The following TMIGD3 variants were observed in gnomAD, a reference collection of about 807,000 sequenced individuals.
TMIGD3 encodes the protein AD026 protein (AD026).
A neutral mutation model predicts 28.1 loss-of-function variants in TMIGD3; 21 were observed. The observed-to-expected ratio is 0.75, with a 90% CI of 0.53 to 1.08. The LOEUF is 1.08. Among genes scored for constraint, TMIGD3 ranks in the 50% least tolerant of loss-of-function variants. The pLI, the probability that TMIGD3 is intolerant of heterozygous loss-of-function variation, is 0.00. For missense variants in TMIGD3, 416 were observed against 435.6 expected (o/e 0.96, Z 0.40); for synonymous variants, 151 against 162.1 (o/e 0.93, Z 0.52).
At chr1:111,557,275 G>A (rs1051722073) in intron 1 of TMIGD3, among the ~76,000 whole-genome samples, 1 of 152,148 alleles carries the variant, frequency 6.6e-6, no homozygotes, top group South Asian at 2.1e-4. Flanking sequence ...AAGGCCAGGC[G>A]TGGTGGCTCA....
intron 3 of TMIGD3, among the ~76,000 whole-genome samples, chr1:111,488,344 AAT>A (rs1654486109): frequency 6.6e-6 from 1 of 152,004 alleles, no homozygotes; most frequent in Admixed American, 6.6e-5. Flanking sequence ...ACAGACATTT[AAT>A]AACAACTTCA....
At chr1:111,513,565 C>A (rs11102292) in intron 1 of TMIGD3, among the ~76,000 whole-genome samples, 1 of 152,064 alleles carries the variant, frequency 6.6e-6, no homozygotes, top group Non-Finnish European at 1.5e-5. Context: ...TCCATTCTCT[C>A]CCAGGCCTCC....
intron 1 of TMIGD3, among the ~76,000 whole-genome samples, chr1:111,528,164 G>A (rs930509888): frequency 6.6e-6 from 1 of 151,974 alleles, no homozygotes; most frequent in Non-Finnish European, 1.5e-5. Flanking sequence ...AATCCGTTTT[G>A]AGTTAATTTT....
intron 1 of TMIGD3, among the ~76,000 whole-genome samples, chr1:111,545,421 C>A (rs1366417687): frequency 6.6e-6 from 1 of 151,930 alleles, no homozygotes; most frequent in East Asian, 1.9e-4. Flanking sequence ...TGTATATTTT[C>A]TTTGCAGAAA....
At chr1:111,509,349 C>T (rs1557829018) in intron 1 of TMIGD3, among the ~76,000 whole-genome samples, 1 of 152,190 alleles carries the variant, frequency 6.6e-6, no homozygotes, top group Non-Finnish European at 1.5e-5. Flanking sequence ...CTCCAAATGC[C>T]CTCATGTCTC....
chr1:111,505,673 C>A (rs779215979), upstream of TMIGD3, among the ~76,000 whole-genome samples: 6 of 152,164 alleles, frequency 3.9e-5, no homozygotes, highest in Non-Finnish European at 8.8e-5. Context: ...ACCGCTGCAC[C>A]CACAGCCCAT....
chr1:111,520,856 C>T (rs1024807094), intron 1 of TMIGD3, among the ~76,000 whole-genome samples: 2 of 152,188 alleles, frequency 1.3e-5, no homozygotes, highest in African/African-American at 2.4e-5. Context: ...GTCTAATTAG[C>T]ATGCAATAAA....
chr1:111,555,981 C>CA (rs780221047), intron 1 of TMIGD3, among the ~76,000 whole-genome samples: 2 of 152,132 alleles, frequency 1.3e-5, no homozygotes, highest in Non-Finnish European at 2.9e-5. Context: ...AAAGGAAACT[C>CA]ACAGAATGGG....
intron 1 of TMIGD3, among the ~76,000 whole-genome samples, chr1:111,528,191 T>A (rs1656335490): frequency 6.6e-6 from 1 of 152,244 alleles, no homozygotes; most frequent in African/African-American, 2.4e-5. Flanking sequence ...AGATGTAAGG[T>A]CTGTGTCCAG....
In TMIGD3 at chr1:111,537,688, TAGAA is replaced by T. The variant is rs541459973; in HGVS notation, c.107+26154_107+26157del. On this transcript the variant is annotated intron_variant, in intron 1 of 5. Coordinates refer to the TMIGD3 transcript ENST00000369717. ...GAGTGCCCCCATTATTTTAAAGAAT[TAGAA>T]AGAAAGTCTGGATTCACTCCATAAT... Among the ~76,000 whole-genome samples the T allele has an allele frequency of 5.3e-4, 81 of 152,318 alleles. No individual in the cohort carries two copies. The South Asian group carries it at 0.015, about 28-fold the overall frequency.
At chr1:111,538,963 C>A (rs765751740) in intron 1 of TMIGD3, among the ~76,000 whole-genome samples, 14 of 152,038 alleles carry the variant, frequency 9.2e-5, no homozygotes, top group Non-Finnish European at 1.3e-4. Flanking sequence ...TTCTACACCC[C>A]CAATGGGCCT....
chr1:111,487,056 C>T (rs1393646144), intron 3 of TMIGD3, among the ~76,000 whole-genome samples: 1 of 152,226 alleles, frequency 6.6e-6, no homozygotes, highest in Non-Finnish European at 1.5e-5. Context: ...CCTTAAAGAA[C>T]TGCTCATTTC....
chr1:111,563,190 G>A (rs1009694348), intron 1 of TMIGD3, among the ~76,000 whole-genome samples: 1 of 152,080 alleles, frequency 6.6e-6, no homozygotes, highest in Non-Finnish European at 1.5e-5. Flanking sequence ...CAGGAGGATC[G>A]ATTTAGCCCA....
rs1654214370 is a variant in TMIGD3 at position 111,483,410 on chromosome 1, A to G, written c.*277T>C. ...AATACAAGTGATTTCCTGGTCCCCAATCCAGATTCTCCACCTCTTCTTCAC... is the reference window on the plus strand; with the variant it reads ...AATACAAGTGATTTCCTGGTCCCCAGTCCAGATTCTCCACCTCTTCTTCAC... On this transcript the variant is annotated 3_prime_UTR_variant, in exon 6 of 6. Coordinates refer to ENST00000369716, the MANE Select transcript of TMIGD3 (RefSeq NM_020683.7). 2 of 387,808 alleles carry G rather than the reference A, an allele frequency of 5.2e-6. No individual in the cohort carries two copies. Among genetic ancestry groups the G allele is most frequent in the South Asian group, 6.1e-5 (2 of 33,046 alleles). 24.0% of individuals were successfully genotyped at this position (387,808 alleles called of 1,614,324 possible). A position where few individuals can be genotyped will look rare whatever the true frequency, so the allele number is the denominator to read the frequency against.
chr1:111,547,854 G>T (rs1482730884), intron 1 of TMIGD3, among the ~76,000 whole-genome samples: 1 of 152,164 alleles, frequency 6.6e-6, no homozygotes, highest in Non-Finnish European at 1.5e-5. Flanking sequence ...CTAAAGCTTT[G>T]TCTAACTCTC....
intron 1 of TMIGD3, among the ~76,000 whole-genome samples, chr1:111,544,089 G>A (rs1360344482): frequency 3.3e-5 from 5 of 152,180 alleles, no homozygotes; most frequent in Non-Finnish European, 7.3e-5. Flanking sequence ...AGTCAAATTT[G>A]CCATTTGTCC....
chr1:111,561,763 C>T (rs146901097), intron 1 of TMIGD3, among the ~76,000 whole-genome samples: 3 of 151,974 alleles, frequency 2.0e-5, no homozygotes, highest in African/African-American at 4.8e-5. Context: ...TGTGTGTGTA[C>T]GTATAATTGG....
At chr1:111,490,399 GTA>G (rs1478439664) in intron 2 of TMIGD3, 1 of 489,244 alleles carries the variant, frequency 2.0e-6, no homozygotes, top group African/African-American at 1.9e-5. Context: ...TCTAATTTCA[GTA>G]TATGTGCTGC....
At position 111,511,441 on chromosome 1, in the gene TMIGD3, C is replaced by T. The variant is rs116062834; in HGVS notation, c.108-20679G>A. On this transcript the variant is annotated intron_variant, in intron 1 of 5. Coordinates refer to the TMIGD3 transcript ENST00000369717. ...TACCACTCTATGTCCAGTGAGGAAT[C>T]AGAAGGGATATTTGGAAGACCTCTT... Among the ~76,000 whole-genome samples, 1,422 of 152,290 alleles carry T rather than the reference C, an allele frequency of 9.3e-3. 11 individuals carry two copies. The highest frequency in any genetic ancestry group is 0.016 in the Non-Finnish European group (1,078 of 68,022).
Sources: allele counts gnomAD v4.1 joint callset (sites outside exome capture counted in the v4.1 genomes callset), GRCh38; gene constraint gnomAD v4.1.1; transcripts MANE v1.5; gene names NCBI Gene and HGNC (gene_info 2026-07-23, HGNC 2026-07-21).